CEP63: variants seen among roughly 807,000 people sequenced by gnomAD.
CEP63 encodes the protein centrosomal protein 63.
Under a neutral mutation model 89.1 loss-of-function variants are expected in CEP63, and 84 were observed. The ratio of observed to expected loss-of-function variants is 0.94; its 90% CI spans 0.79 to 1.13. CEP63 has a LOEUF of 1.13. Among genes scored for constraint, CEP63 ranks in the 50% most tolerant of loss-of-function variants. The pLI is 0.00. For missense variants in CEP63, 838 were observed against 813.3 expected (o/e 1.03, Z -0.37); for synonymous variants, 267 against 272.5 (o/e 0.98, Z 0.20).
the CEP63 span, among the ~76,000 whole-genome samples, chr3:134,698,308 A>T: frequency 6.6e-6 from 1 of 152,234 alleles, no homozygotes; most frequent in East Asian, 1.9e-4. Flanking sequence ...AGTTCTACAG[A>T]GCTGGCAAAG....
At chr3:134,698,871 A>T in the CEP63 span, among the ~76,000 whole-genome samples, 2 of 152,232 alleles carry the variant, frequency 1.3e-5, no homozygotes, top group African/African-American at 4.8e-5. Flanking sequence ...CAGGCACTGT[A>T]TGAGGTTCTG....
chr3:134,759,799 A>T, the CEP63 span, among the ~76,000 whole-genome samples: 3 of 152,228 alleles, frequency 2.0e-5, no homozygotes, highest in South Asian at 6.2e-4. Flanking sequence ...AGTAACAAAT[A>T]TTTTTTATTG....
At chr3:134,604,237 T>G in the CEP63 span, 1 of 1,613,752 alleles carries the variant, frequency 6.2e-7, no homozygotes. Context: ...AGCAGGCAGC[T>G]GGACACCCAT....
At chr3:134,595,987 A>C in the CEP63 span, among the ~76,000 whole-genome samples, 1 of 137,732 alleles carries the variant, frequency 7.3e-6, no homozygotes, top group African/African-American at 2.7e-5. Context: ...GCCATTTTGC[A>C]GCTCTTTCCC....
chr3:134,613,976 C>G, the CEP63 span, among the ~76,000 whole-genome samples: 1 of 152,138 alleles, frequency 6.6e-6, no homozygotes, highest in African/African-American at 2.4e-5. Flanking sequence ...TGACATGGCA[C>G]CATACAACGC....
intron 1 of CEP63, among the ~76,000 whole-genome samples, chr3:134,490,703 C>G (rs886603377): frequency 2.0e-5 from 3 of 146,390 alleles, no homozygotes; most frequent in South Asian, 2.2e-4. Flanking sequence ...TTCTTCCACT[C>G]TGCTTATTTT....
At chr3:134,695,816 A>G in the CEP63 span, among the ~76,000 whole-genome samples, 1 of 152,198 alleles carries the variant, frequency 6.6e-6, no homozygotes, top group African/African-American at 2.4e-5. Context: ...TGGCTTGTGA[A>G]CACAGATGGC....
At chr3:134,620,931 C>G in the CEP63 span, 6 of 858,300 alleles carry the variant, frequency 7.0e-6, no homozygotes, top group Non-Finnish European at 1.2e-5. Context: ...CTTGCACCTA[C>G]AGCCAGTGCT....
At chr3:134,554,615 G>T (rs1261609185) in intron 12 of CEP63, among the ~76,000 whole-genome samples, 1 of 150,622 alleles carries the variant, frequency 6.6e-6, no homozygotes, top group Non-Finnish European at 1.5e-5. Context: ...GGGATGGCTG[G>T]GTCAAATGGT....
At position 134,537,227 on chromosome 3, in the gene CEP63, G is replaced by T. The variant is rs187494453; in HGVS notation, c.514G>T (p.Ala172Ser). 3.1e-6 allele frequency: 5 copies of T among 1,613,640 alleles called. No individual in the cohort carries two copies. The African/African-American group carries it at 4.0e-5, about 13-fold the overall frequency. Residue 172 changes from alanine (A) to serine (S), a missense_variant, in exon 6 of 15, where the codon GCA becomes TCA. Coordinates refer to ENST00000675561, the MANE Select transcript of CEP63 (RefSeq NM_001353108.3). ...TCAGCAACAGGTATCTTCACTGGAGGCACAAAGGAAGGCTCTGGCTGAACA... is the reference window on the plus strand; with the variant it reads ...TCAGCAACAGGTATCTTCACTGGAGTCACAAAGGAAGGCTCTGGCTGAACA... ...IYQQQVSSLE[A>S]QRKALAEQSE...
chr3:134,651,337 G>A, the CEP63 span: 2 of 1,161,420 alleles, frequency 1.7e-6, no homozygotes, highest in Non-Finnish European at 2.1e-6. Context: ...TTCTCTGGCT[G>A]AGCGCTGCCT....
At chr3:134,716,871 C>A in the CEP63 span, among the ~76,000 whole-genome samples, 1 of 146,422 alleles carries the variant, frequency 6.8e-6, no homozygotes, top group East Asian at 2.0e-4. Flanking sequence ...CAAATCTTCG[C>A]TGCAACACTC....
the CEP63 span, among the ~76,000 whole-genome samples, chr3:134,778,589 C>T: frequency 3.3e-5 from 5 of 152,096 alleles, no homozygotes; most frequent in South Asian, 4.2e-4. Context: ...GACAGAGTCT[C>T]GCTCTGTCAC....
chr3:134,598,283 G>A, the CEP63 span, among the ~76,000 whole-genome samples: 1 of 152,204 alleles, frequency 6.6e-6, no homozygotes, highest in Non-Finnish European at 1.5e-5. Context: ...GGGCATGAGT[G>A]ACACGAGGCT....
chr3:134,499,417 A>G (rs1275540419), intron 2 of CEP63, among the ~76,000 whole-genome samples: 1 of 151,906 alleles, frequency 6.6e-6, no homozygotes, highest in Non-Finnish European at 1.5e-5. Context: ...TTTCTTGGTT[A>G]GTCTAGCTAA....
chr3:134,555,007 G>A (rs1955838455), intron 12 of CEP63, among the ~76,000 whole-genome samples: 1 of 152,106 alleles, frequency 6.6e-6, no homozygotes, highest in Admixed American at 6.6e-5. Flanking sequence ...TGAGTAGGTT[G>A]CCAAAGACAA....
the CEP63 span, among the ~76,000 whole-genome samples, chr3:134,727,564 A>G: frequency 6.6e-6 from 1 of 152,364 alleles, no homozygotes; most frequent in South Asian, 2.1e-4. Flanking sequence ...ATGAAAAAAG[A>G]ATCAATTAAA....
At chr3:134,584,713 C>G (rs1171419902) in intron 10 of CEP63, among the ~76,000 whole-genome samples, 2 of 152,042 alleles carry the variant, frequency 1.3e-5, no homozygotes, top group Non-Finnish European at 2.9e-5. Context: ...AGGGAGGATC[C>G]CCTCTTTTTC....
chr3:134,487,238 A>G (rs1022206334), intron 1 of CEP63, among the ~76,000 whole-genome samples: 12 of 151,982 alleles, frequency 7.9e-5, no homozygotes, highest in Non-Finnish European at 1.3e-4. Context: ...AAGTGTATAT[A>G]TTTTCTTATT....
Sources: gnomAD v4.1 joint callset for allele counts (sites outside exome capture counted in the v4.1 genomes callset) on GRCh38, gnomAD v4.1.1 for gene constraint, MANE v1.5 for transcripts, NCBI Gene and HGNC (gene_info 2026-07-23, HGNC 2026-07-21) for gene names.